Variants in B9D1 observed in about 807,000 individuals in gnomAD.
The protein encoded by B9D1 is B9 domain-containing protein 1.
A neutral mutation model predicts 26.1 loss-of-function variants in B9D1; 20 were observed. The ratio of observed to expected loss-of-function variants is 0.77; its 90% CI spans 0.54 to 1.12. B9D1 has a LOEUF of 1.12. Among genes scored for constraint, B9D1 ranks in the 50% most tolerant of loss-of-function variants. The pLI, the probability that B9D1 is intolerant of heterozygous loss-of-function variation, is 0.00. For missense variants in B9D1, 260 were observed against 273.7 expected (o/e 0.95, Z 0.35); for synonymous variants, 105 against 103.1 (o/e 1.02, Z -0.11).
intron 1 of B9D1, among the ~76,000 whole-genome samples, chr17:19,360,599 C>T (rs555461699): frequency 1.3e-5 from 2 of 152,296 alleles, no homozygotes; most frequent in South Asian, 2.1e-4. Flanking sequence ...GGCTTTTGCT[C>T]AGGCTCTGCC....
At position 19,347,336 on chromosome 17, in the gene B9D1, A is replaced by G; in HGVS notation, c.342-5T>C. 8 of 1,614,166 alleles carry G rather than the reference A, an allele frequency of 5.0e-6. No homozygotes were observed. The highest frequency in any genetic ancestry group is 6.8e-6 in the Non-Finnish European group (8 of 1,180,016). On this transcript the variant is annotated splice_polypyrimidine_tract_variant and splice_region_variant and intron_variant, in intron 4 of 6. Transcript: ENST00000261499. The surrounding 1 kb of genome is among the most constrained non-coding windows in gnomAD (Gnocchi z 4.3). ...ATGGGGATGGTCCTTTTGTGCCTGA[A>G]ACAAATGTTTTTGCAGACAGAGATG... is the stretch of plus-strand genomic sequence containing the variant.
At chr17:19,365,937 CCTG>C (rs1911572312), upstream of B9D1, among the ~76,000 whole-genome samples, 2 of 151,826 alleles carry the variant, frequency 1.3e-5, no homozygotes, top group African/African-American at 4.8e-5. The surrounding 1 kb of genome is among the most constrained non-coding windows in gnomAD (Gnocchi z 5.0). Flanking sequence ...CTGGGGTGCT[CCTG>C]CTTTTTCATG....
intron 5 of B9D1, among the ~76,000 whole-genome samples, chr17:19,345,086 G>C (rs1908579297): frequency 6.6e-6 from 1 of 152,170 alleles, no homozygotes; most frequent in Non-Finnish European, 1.5e-5. Flanking sequence ...TCTTTCCTGG[G>C]GTCCACCCGG....
intron 1 of B9D1, among the ~76,000 whole-genome samples, chr17:19,368,061 GAC>G (rs1598100441): frequency 6.6e-6 from 1 of 152,220 alleles, no homozygotes; most frequent in Non-Finnish European, 1.5e-5. Flanking sequence ...CATGGGGAGA[GAC>G]AACTCGGATC....
intron 5 of B9D1, among the ~76,000 whole-genome samples, chr17:19,346,261 C>G (rs1304441326): frequency 1.3e-5 from 2 of 152,218 alleles, no homozygotes; most frequent in East Asian, 3.9e-4. Context: ...CTCCTAGGGG[C>G]AGTAGGCACA....
upstream of B9D1, among the ~76,000 whole-genome samples, chr17:19,365,915 C>T (rs1157884309): frequency 6.6e-6 from 1 of 151,430 alleles, no homozygotes; most frequent in Non-Finnish European, 1.5e-5. This position sits in a 1 kb window ranked among gnomAD's most constrained non-coding sequence, Gnocchi z 5.0. Context: ...ATTCTTGTTG[C>T]TGAAGTCATT....
chr17:19,373,221 C>A (rs1265605608), intron 1 of B9D1, among the ~76,000 whole-genome samples: 1 of 152,122 alleles, frequency 6.6e-6, no homozygotes, highest in Non-Finnish European at 1.5e-5. Flanking sequence ...GGTCTCCAGG[C>A]TTGGATTAGA....
chr17:19,346,913 GA>G, intron 5 of B9D1: 2 of 1,441,140 alleles, frequency 1.4e-6, no homozygotes, highest in Non-Finnish European at 1.8e-6. Flanking sequence ...CATTTATCAT[GA>G]TTACTGTTCC....
chr17:19,374,444 G>A (rs2152285606), intron 1 of B9D1, among the ~76,000 whole-genome samples: 1 of 152,306 alleles, frequency 6.6e-6, no homozygotes, highest in South Asian at 2.1e-4. Flanking sequence ...TACCACTGGT[G>A]GGTGTCTAAA....
At chr17:19,336,017 T>C (rs1405628793), downstream of B9D1, 2 of 152,550 alleles carry the variant, frequency 1.3e-5, no homozygotes, top group East Asian at 3.9e-4. Context: ...TCCAGAAGAT[T>C]ACCCTTCGCA....
downstream of B9D1, among the ~76,000 whole-genome samples, chr17:19,342,904 C>A (rs1908138052): frequency 6.6e-6 from 1 of 152,234 alleles, no homozygotes; most frequent in African/African-American, 2.4e-5. Context: ...TAACCCCAAG[C>A]CTCTAAGGAG....
chr17:19,337,779 C>T, downstream of B9D1: 1 of 1,465,480 alleles, frequency 6.8e-7, no homozygotes, highest in Non-Finnish European at 9.2e-7. Context: ...AAGGGTCAAG[C>T]ATAGATTTCT....
At chr17:19,358,656 G>T (rs1910659158) in intron 2 of B9D1, among the ~76,000 whole-genome samples, 1 of 151,986 alleles carries the variant, frequency 6.6e-6, no homozygotes, top group Admixed American at 6.6e-5. Context: ...CACTGCACAG[G>T]GTGGCCCCTG....
chr17:19,344,928 G>A (rs890358948), intron 5 of B9D1, among the ~76,000 whole-genome samples: 1 of 152,228 alleles, frequency 6.6e-6, no homozygotes, highest in Non-Finnish European at 1.5e-5. Flanking sequence ...CAACCCCTGC[G>A]CCTCAGTTTC....
At chr17:19,355,461 A>T (rs1261305050) in intron 3 of B9D1, among the ~76,000 whole-genome samples, 1 of 150,712 alleles carries the variant, frequency 6.6e-6, no homozygotes, top group Non-Finnish European at 1.5e-5. Context: ...TCCAGGAGGT[A>T]GAGGTTGCAA....
downstream of B9D1, among the ~76,000 whole-genome samples, chr17:19,341,997 T>C (rs963463547): frequency 6.6e-6 from 1 of 152,124 alleles, no homozygotes; most frequent in African/African-American, 2.4e-5. Flanking sequence ...CAATCCAGAC[T>C]TTGGAGGCAG....
intron 5 of B9D1, among the ~76,000 whole-genome samples, chr17:19,346,498 C>T (rs1908807695): frequency 6.6e-6 from 1 of 152,248 alleles, no homozygotes; most frequent in East Asian, 1.9e-4. Flanking sequence ...CACTAATCTG[C>T]CGGTGGGCGG....
chr17:19,348,298 G>A (rs1052310934), intron 3 of B9D1, among the ~76,000 whole-genome samples: 1 of 152,130 alleles, frequency 6.6e-6, no homozygotes, highest in East Asian at 1.9e-4. Context: ...CTCATTTTGG[G>A]GGTGTCTAGA....
At chr17:19,363,054 G>A (rs1455620133), upstream of B9D1, 4 of 205,008 alleles carry the variant, frequency 2.0e-5, no homozygotes, top group South Asian at 2.3e-4. Flanking sequence ...CCACCGCGAG[G>A]ACGCGGAGGG....
Sources: allele counts gnomAD v4.1 joint callset (sites outside exome capture counted in the v4.1 genomes callset), GRCh38; gene constraint gnomAD v4.1.1; non-coding constraint Gnocchi (gnomAD v3.1); transcripts MANE v1.5; gene names NCBI Gene and HGNC (gene_info 2026-07-23, HGNC 2026-07-21).